The following DSCAM variants were observed in gnomAD, a reference collection of about 807,000 sequenced individuals.
The protein encoded by DSCAM is cell adhesion molecule DSCAM.
Under a neutral mutation model 217.7 loss-of-function variants are expected in DSCAM, and 47 were observed. The ratio of observed to expected loss-of-function variants is 0.22; its 90% CI spans 0.17 to 0.28. The LOEUF (loss-of-function observed/expected upper bound fraction) is 0.28, where lower values mean the gene tolerates loss of function less well. Ranked by LOEUF, DSCAM falls within the 10% of genes least tolerant of loss-of-function variation. The pLI is 1.00. For missense variants in DSCAM, 2,080 were observed against 2,618.3 expected, an observed-to-expected ratio of 0.79 and a Z score of 4.49; for synonymous variants, 1,056 against 1,015.3, an observed-to-expected ratio of 1.04 and a Z score of -0.76.
chr21:40,592,906 A>G lies in DSCAM; in HGVS notation c.508+99904T>C, dbSNP rs992753280. Among the ~76,000 whole-genome samples the G allele has an allele frequency of 8.5e-5, 13 of 152,230 alleles. 1 individual carries two copies. Among genetic ancestry groups the G allele is most frequent in the Admixed American group, 7.9e-4 (12 of 15,282 alleles). On this transcript the variant is annotated intron_variant, in intron 3 of 32. Coordinates refer to ENST00000400454, the MANE Select transcript of DSCAM (RefSeq NM_001389.5). Reference sequence around the variant, plus strand: ...TTCAGAAGAACTCACAAGCACGCACATATTTGTTGAGCTAATGAATTGCAG... The same window carrying G: ...TTCAGAAGAACTCACAAGCACGCACGTATTTGTTGAGCTAATGAATTGCAG...
chr21:40,347,959 TAAGA>T lies in DSCAM; in HGVS notation c.935-18_935-15del, dbSNP rs761485387. On this transcript the variant is annotated splice_polypyrimidine_tract_variant and intron_variant, in intron 5 of 32. Coordinates refer to ENST00000400454, the MANE Select transcript of DSCAM (RefSeq NM_001389.5). Reference sequence around the variant, plus strand: ...CTTTCAGTGGCTCTGGAGGTTTTAGTAAGAGAGAGAGAAAAAAGATAAAAACATC... The same window carrying T: ...CTTTCAGTGGCTCTGGAGGTTTTAGTGAGAGAGAAAAAAGATAAAAACATC... 5 of 1,601,854 alleles carry T rather than the reference TAAGA, an allele frequency of 3.1e-6. No homozygotes were observed.
chr21:40,744,053 C>T lies in DSCAM; in HGVS notation c.44-35282G>A, dbSNP rs79783566. Among the ~76,000 whole-genome samples the T allele has an allele frequency of 9.6e-3, 1,456 of 152,304 alleles. 23 individuals carry two copies. Among genetic ancestry groups the T allele is most frequent in the African/African-American group, 0.033 (1,374 of 41,558 alleles). ...AAAATGGTCATTTCAGACTGTGCCACTCTCTTCTCCAGGCTTGTATAATGC... is the reference window on the plus strand; with the variant it reads ...AAAATGGTCATTTCAGACTGTGCCATTCTCTTCTCCAGGCTTGTATAATGC... On this transcript the variant is annotated intron_variant, in intron 1 of 32. Coordinates refer to ENST00000400454, the MANE Select transcript of DSCAM (RefSeq NM_001389.5).
At chr21:40,079,839 C>T (rs2089427550) in intron 25 of DSCAM, among the ~76,000 whole-genome samples, 1 of 152,108 alleles carries the variant, frequency 6.6e-6, no homozygotes, top group African/African-American at 2.4e-5. Context: ...AGGGCGCCTC[C>T]AAACGGCTGA....
At chr21:40,807,305 C>T (rs2091797041) in intron 1 of DSCAM, among the ~76,000 whole-genome samples, 1 of 152,226 alleles carries the variant, frequency 6.6e-6, no homozygotes, top group Admixed American at 6.5e-5. Context: ...GGGATCCACA[C>T]ATGGCTTCTC....
intron 3 of DSCAM, among the ~76,000 whole-genome samples, chr21:40,407,202 G>A (rs1418461594): frequency 1.3e-5 from 2 of 152,092 alleles, no homozygotes; most frequent in East Asian, 1.9e-4. Flanking sequence ...ATCTAATTTA[G>A]CTCAGTTAGA....
chr21:40,622,011 T>C (rs1331150448), intron 3 of DSCAM, among the ~76,000 whole-genome samples: 1 of 151,684 alleles, frequency 6.6e-6, no homozygotes, highest in Non-Finnish European at 1.5e-5. Context: ...AAGATAAAAT[T>C]CAAAGTAGGA....
At chr21:40,269,391 G>T (rs1222978742) in intron 11 of DSCAM, among the ~76,000 whole-genome samples, 3 of 152,222 alleles carry the variant, frequency 2.0e-5, no homozygotes, top group African/African-American at 7.2e-5. Flanking sequence ...TGCTGCGTTT[G>T]ATGGGTCCCG....
intron 14 of DSCAM, among the ~76,000 whole-genome samples, chr21:40,183,042 G>A (rs1250209169): frequency 1.6e-5 from 1 of 64,132 alleles, no homozygotes; most frequent in Non-Finnish European, 2.9e-5. Context: ...GTGGACAGGA[G>A]GGGGCTACCA....
chr21:40,296,047 CT>C lies in DSCAM; in HGVS notation c.2182+7del. On this transcript the variant is annotated splice_region_variant and intron_variant, in intron 10 of 32. Transcript: ENST00000400454. ...GACAGGTAACAAGTAGATCAAGTAA[CT>C]CCATACCTTTAGAGAATTTCCACAC... 1 of 1,612,908 alleles carries C rather than the reference CT, an allele frequency of 6.2e-7. No individual in the cohort carries two copies. Among genetic ancestry groups the C allele is most frequent in the Non-Finnish European group, 8.5e-7 (1 of 1,179,586 alleles).
chr21:40,723,627 T>C (rs189879686), intron 1 of DSCAM, among the ~76,000 whole-genome samples: 30 of 152,280 alleles, frequency 2.0e-4, no homozygotes, highest in Admixed American at 2.0e-3. Flanking sequence ...ATTGAATGCA[T>C]AAATAAATGT....
chr21:40,420,715 A>T (rs1345871012), intron 3 of DSCAM, among the ~76,000 whole-genome samples: 1 of 152,126 alleles, frequency 6.6e-6, no homozygotes, highest in African/African-American at 2.4e-5. Context: ...ACAAAGGGGG[A>T]ATTTGGACAC....
chr21:40,666,900 G>C (rs2090208341), intron 3 of DSCAM, among the ~76,000 whole-genome samples: 1 of 152,178 alleles, frequency 6.6e-6, no homozygotes, highest in African/African-American at 2.4e-5. Flanking sequence ...TTGCTTCCTT[G>C]GTTGGCTTTA....
At chr21:40,526,030 T>C (rs996246567) in intron 3 of DSCAM, among the ~76,000 whole-genome samples, 5 of 152,174 alleles carry the variant, frequency 3.3e-5, no homozygotes, top group African/African-American at 1.2e-4. Context: ...ACACCCTCTC[T>C]ACTGACTTCT....
At chr21:40,244,717 C>T (rs540493065) in intron 11 of DSCAM, among the ~76,000 whole-genome samples, 14 of 152,072 alleles carry the variant, frequency 9.2e-5, no homozygotes, top group East Asian at 5.8e-4. Flanking sequence ...CAGGTTGGGG[C>T]GGCGAGGGTG....
At chr21:40,063,017 A>T in intron 27 of DSCAM, 118 bp from the exon 28 acceptor site, 1 of 761,642 alleles carries the variant, frequency 1.3e-6, no homozygotes, top group Non-Finnish European at 1.9e-6. Flanking sequence ...ACAATCATAT[A>T]CCCAGCTCAC....
chr21:40,261,374 A>G (rs909803429), intron 11 of DSCAM, among the ~76,000 whole-genome samples: 4 of 152,140 alleles, frequency 2.6e-5, no homozygotes, highest in Admixed American at 2.6e-4. Flanking sequence ...GCTGAGTCAA[A>G]CAGATTGCCT....
chr21:40,642,183 T>A (rs1263666067), intron 3 of DSCAM, among the ~76,000 whole-genome samples: 2 of 152,110 alleles, frequency 1.3e-5, no homozygotes, highest in African/African-American at 4.8e-5. Flanking sequence ...GCTGTTGGAC[T>A]CCACAGCCCT....
intron 3 of DSCAM, among the ~76,000 whole-genome samples, chr21:40,597,609 C>G (rs756495465): frequency 9.1e-4 from 134 of 146,888 alleles, no homozygotes; most frequent in Non-Finnish European, 1.9e-3. Context: ...TGGGTTCTAG[C>G]TATTCTTCCC....
chr21:40,592,343 A>G (rs1357064325), intron 3 of DSCAM, among the ~76,000 whole-genome samples: 1 of 152,138 alleles, frequency 6.6e-6, no homozygotes, highest in African/African-American at 2.4e-5. Context: ...AATATCACAT[A>G]CTCATATGAG....
Sources: allele counts gnomAD v4.1 joint callset (sites outside exome capture counted in the v4.1 genomes callset), GRCh38; gene constraint gnomAD v4.1.1; transcripts MANE v1.5; gene names NCBI Gene and HGNC (gene_info 2026-07-23, HGNC 2026-07-21).